The following ANP32A variants were observed in gnomAD, a reference collection of about 807,000 sequenced individuals.
The protein encoded by ANP32A is acidic leucine-rich nuclear phosphoprotein 32 family member A.
ANP32A carries 1 observed loss-of-function variant against 33.9 expected under a neutral mutation model. The ratio of observed to expected loss-of-function variants is 0.03; its 90% CI spans 0.01 to 0.14. ANP32A has a LOEUF of 0.14. Ranked by LOEUF, ANP32A falls within the 10% of genes least tolerant of loss-of-function variation. The pLI is 1.00. For missense variants in ANP32A, 155 were observed against 306.0 expected (o/e 0.51, Z 3.68); for synonymous variants, 115 against 120.5 (o/e 0.95, Z 0.30).
chr15:68,807,486 A>G (rs547128432), intron 1 of ANP32A, among the ~76,000 whole-genome samples: 66 of 142,962 alleles, frequency 4.6e-4, no homozygotes, highest in African/African-American at 1.6e-3. Flanking sequence ...TCCGCTTCAC[A>G]GCTCCAGGCG....
chr15:68,801,398 G>A (rs1372009633), intron 1 of ANP32A, among the ~76,000 whole-genome samples: 4 of 151,980 alleles, frequency 2.6e-5, no homozygotes, highest in Non-Finnish European at 4.4e-5. Flanking sequence ...GATCTGGTTT[G>A]GTTTCAGGCT....
chr15:68,794,610 C>T (rs971100993), intron 1 of ANP32A, among the ~76,000 whole-genome samples: 1 of 152,186 alleles, frequency 6.6e-6, no homozygotes, highest in Non-Finnish European at 1.5e-5. Context: ...CCCATTTCAG[C>T]TAGAAGGCCA....
At chr15:68,803,108 G>A (rs1376062140) in intron 1 of ANP32A, among the ~76,000 whole-genome samples, 1 of 152,180 alleles carries the variant, frequency 6.6e-6, no homozygotes, top group African/African-American at 2.4e-5. Context: ...AGCCTGGAAG[G>A]GACAAACAGA....
Position 68,820,871 on chromosome 15 carries a change from G to A in ANP32A, c.-120C>T. 3.3e-6 allele frequency: 4 copies of A among 1,215,012 alleles called. No homozygotes were observed. Among genetic ancestry groups the A allele is most frequent in the Non-Finnish European group, 4.7e-6 (4 of 845,202 alleles). 75.3% of individuals were successfully genotyped at this position (1,215,012 alleles called of 1,614,324 possible). ...TCAACCAGCTCCGCTCGGTTCTCGA[G>A]CCCCCAGCACCCGCGGCGCACACTA... On this transcript the variant is annotated 5_prime_UTR_variant, in exon 1 of 7. Coordinates refer to ENST00000465139, the MANE Select transcript of ANP32A (RefSeq NM_006305.4).
chr15:68,815,712 TG>T (rs1894371553), intron 1 of ANP32A, among the ~76,000 whole-genome samples: 1 of 152,202 alleles, frequency 6.6e-6, no homozygotes, highest in African/African-American at 2.4e-5. Flanking sequence ...TCGGAATCTC[TG>T]TCCACCAAAG....
At chr15:68,799,073 A>T (rs1232423139) in intron 1 of ANP32A, among the ~76,000 whole-genome samples, 1 of 152,260 alleles carries the variant, frequency 6.6e-6, no homozygotes, top group African/African-American at 2.4e-5. Flanking sequence ...TTTCTCCCTT[A>T]GACAAGTGTG....
At chr15:68,786,913 G>A (rs2046997571) in intron 3 of ANP32A, among the ~76,000 whole-genome samples, 3 of 152,274 alleles carry the variant, frequency 2.0e-5, no homozygotes, top group South Asian at 4.1e-4. Context: ...CTGCCTGCAC[G>A]AGGCTCTCAC....
chr15:68,795,232 A>C (rs1236794334), intron 1 of ANP32A, among the ~76,000 whole-genome samples: 1 of 152,168 alleles, frequency 6.6e-6, no homozygotes, highest in African/African-American at 2.4e-5. Context: ...AGATCTTTTA[A>C]AACCTTAACT....
intron 1 of ANP32A, among the ~76,000 whole-genome samples, chr15:68,815,689 G>T (rs1055290965): frequency 2.6e-5 from 4 of 152,164 alleles, no homozygotes; most frequent in Non-Finnish European, 5.9e-5. Flanking sequence ...GGACCCAATG[G>T]ACTATCCAAT....
chr15:68,783,660 A>G (rs915177649), intron 4 of ANP32A, among the ~76,000 whole-genome samples: 3 of 152,224 alleles, frequency 2.0e-5, no homozygotes, highest in Non-Finnish European at 4.4e-5. Flanking sequence ...GGCCACGAAG[A>G]TGCATGGGAA....
chr15:68,810,992 C>T (rs1276759866), intron 1 of ANP32A, among the ~76,000 whole-genome samples: 1 of 144,308 alleles, frequency 6.9e-6, no homozygotes, highest in East Asian at 2.1e-4. Context: ...CCCAGGAGGT[C>T]GAGGTTGCAG....
chr15:68,780,082 T>C lies in ANP32A; in HGVS notation c.749A>G (p.Ter250=). The C allele has an allele frequency of 6.2e-7, 1 of 1,613,610 alleles. No homozygotes were observed. The highest frequency in any genetic ancestry group is 8.5e-7 in the Non-Finnish European group (1 of 1,179,614). Residue 250 remains the stop codon, a stop_retained_variant, in exon 7 of 7, where the codon TAA becomes TGA. Transcript: ENST00000465139. This position sits in a 1 kb window ranked among gnomAD's most constrained non-coding sequence, Gnocchi z 4.3. ...EPEDEGEDDD[*] is the part of the protein sequence containing the mutation. Reference sequence around the variant, plus strand: ...ATTTTTCAAAATAGGTTATTCCACTTAGTCATCATCTTCTCCCTCATCTTC... The same window carrying C: ...ATTTTTCAAAATAGGTTATTCCACTCAGTCATCATCTTCTCCCTCATCTTC...
chr15:68,799,660 C>A (rs1894105690), intron 1 of ANP32A, among the ~76,000 whole-genome samples: 1 of 152,160 alleles, frequency 6.6e-6, no homozygotes, highest in Non-Finnish European at 1.5e-5. Flanking sequence ...CTGATAGGAA[C>A]ACGTGGGATG....
intron 1 of ANP32A, chr15:68,789,786 G>C (rs1259406593): frequency 2.0e-5 from 3 of 152,462 alleles, no homozygotes; most frequent in African/African-American, 7.2e-5. Context: ...GAGAACCAGG[G>C]AGCGCAGCCC....
intron 3 of ANP32A, among the ~76,000 whole-genome samples, chr15:68,786,613 G>C (rs1313513340): frequency 6.6e-6 from 1 of 152,096 alleles, no homozygotes; most frequent in Non-Finnish European, 1.5e-5. Context: ...ACTTCATGTG[G>C]TAGTATTTCC....
rs1555424027 is a variant in ANP32A at position 68,807,429 on chromosome 15, G to GGGC, written c.54+13268_54+13269insGCC. On this transcript the variant is annotated intron_variant, in intron 1 of 6. Transcript: ENST00000465139. The stretch of plus-strand genomic sequence containing the variant: ...TCCCGCCCCACCTCCACAGAAAACG[G>GGGC]GGGGGGGGGAGTCTCTCCTTTGCCC... 1.9e-4 allele frequency among the ~76,000 whole-genome samples: 25 copies of GGGC among 131,578 alleles called. 1 individual carries two copies. Among genetic ancestry groups the GGGC allele is most frequent in the African/African-American group, 8.3e-4 (25 of 30,190 alleles). The allele number at this position is 131,578 out of a possible 152,430, so 86.3% of individuals were successfully genotyped here.
chr15:68,804,372 C>G (rs983488455), intron 1 of ANP32A, among the ~76,000 whole-genome samples: 1 of 152,178 alleles, frequency 6.6e-6, no homozygotes, highest in East Asian at 1.9e-4. Context: ...CCTTGGTTCC[C>G]TCATTGGCAG....
At chr15:68,817,265 G>A (rs913550125) in intron 1 of ANP32A, 1 of 152,252 alleles carries the variant, frequency 6.6e-6, no homozygotes, top group Non-Finnish European at 1.5e-5. Flanking sequence ...CATTACTATT[G>A]TAGCTGCCTT....
intron 1 of ANP32A, among the ~76,000 whole-genome samples, chr15:68,803,798 CTTTT>C (rs3985625): frequency 9.9e-5 from 10 of 101,136 alleles, no homozygotes; most frequent in Admixed American, 5.0e-4. Flanking sequence ...ATTTCACAAA[CTTTT>C]TTTTTTTTTT....
Sources: gnomAD v4.1 joint callset for allele counts (sites outside exome capture counted in the v4.1 genomes callset) on GRCh38, gnomAD v4.1.1 for gene constraint, Gnocchi (gnomAD v3.1) non-coding constraint, MANE v1.5 for transcripts, NCBI Gene and HGNC (gene_info 2026-07-23, HGNC 2026-07-21) for gene names.